Variants in ANKRD10 observed in about 807,000 individuals in gnomAD.
ANKRD10 encodes ankyrin repeat domain 10, also known as ankyrin repeat domain-containing protein 10.
ANKRD10 carries 14 observed loss-of-function variants against 27.0 expected under a neutral mutation model. The observed-to-expected ratio is 0.52, with a 90% confidence interval of 0.34 to 0.81. The LOEUF is 0.81. Among genes scored for constraint, ANKRD10 ranks in the 40% least tolerant of loss-of-function variants. The pLI, the probability that ANKRD10 is intolerant of heterozygous loss-of-function variation, is 0.01. For synonymous variants in ANKRD10, 250 were observed against 224.5 expected, an observed-to-expected ratio of 1.11 and a Z score of -1.01; for missense variants, 493 against 544.0, an observed-to-expected ratio of 0.91 and a Z score of 0.93.
intron 3 of ANKRD10, among the ~76,000 whole-genome samples, chr13:110,893,558 C>G (rs796813198): frequency 1.3e-5 from 2 of 152,212 alleles, no homozygotes; most frequent in Admixed American, 1.3e-4. Context: ...TCTAAATTTA[C>G]GCTAACTTCA....
intron 2 of ANKRD10, among the ~76,000 whole-genome samples, chr13:110,909,681 C>G (rs1298553456): frequency 6.6e-6 from 1 of 152,174 alleles, no homozygotes; most frequent in Non-Finnish European, 1.5e-5. Flanking sequence ...TAAATCATGG[C>G]TAAAAACACC....
chr13:110,914,001 C>T (rs1379475735), intron 1 of ANKRD10, among the ~76,000 whole-genome samples: 1 of 152,248 alleles, frequency 6.6e-6, no homozygotes. Context: ...GAAGAGAATT[C>T]TGCTTAATTT....
intron 4 of ANKRD10, among the ~76,000 whole-genome samples, chr13:110,890,949 A>G (rs570073412): frequency 1.3e-5 from 2 of 152,320 alleles, no homozygotes; most frequent in African/African-American, 4.8e-5. Flanking sequence ...GAAACAAGGA[A>G]TCCTCAGAAA....
At chr13:110,883,596 A>T in intron 5 of ANKRD10, 102 bp downstream of exon 5, 2 of 1,552,210 alleles carry the variant, frequency 1.3e-6, no homozygotes, top group South Asian at 1.2e-5. Context: ...GACACAGTAT[A>T]TATTTCTATT....
At chr13:110,914,569 C>G in intron 1 of ANKRD10, 156 bp downstream of exon 1, 1 of 1,091,850 alleles carries the variant, frequency 9.2e-7, no homozygotes, top group Non-Finnish European at 1.2e-6. Flanking sequence ...AGCGCTGCCG[C>G]ACAGGCGCCC....
intron 4 of ANKRD10, among the ~76,000 whole-genome samples, chr13:110,891,871 CT>C (rs10553815): frequency 0.017 from 2,029 of 121,188 alleles, 36 homozygotes; most frequent in African/African-American, 0.053. Context: ...CTTATTAAGA[CT>C]TTTTTTTTTT....
At chr13:110,910,422 T>A (rs1175564086) in intron 2 of ANKRD10, among the ~76,000 whole-genome samples, 196 bp downstream of exon 2, 1 of 152,172 alleles carries the variant, frequency 6.6e-6, no homozygotes, top group African/African-American at 2.4e-5. Context: ...GTGAAAGCAC[T>A]CTATGAACAG....
intron 3 of ANKRD10, among the ~76,000 whole-genome samples, chr13:110,896,069 C>G (rs2065219099): frequency 6.6e-6 from 1 of 152,198 alleles, no homozygotes; most frequent in Admixed American, 6.5e-5. Context: ...AATCACAGGT[C>G]AAACAACTTC....
intron 4 of ANKRD10, among the ~76,000 whole-genome samples, chr13:110,891,724 G>T (rs996267399): frequency 1.4e-4 from 21 of 152,156 alleles, no homozygotes; most frequent in African/African-American, 5.1e-4. Flanking sequence ...TTGCACGGTT[G>T]ATTTTTTTAA....
intron 4 of ANKRD10, among the ~76,000 whole-genome samples, chr13:110,892,436 A>AAAAAAAAAAAT (rs1555321016): frequency 2.8e-5 from 4 of 144,468 alleles, no homozygotes; most frequent in Non-Finnish European, 6.1e-5. Flanking sequence ...AAAAAAAAAA[A>AAAAAAAAAAAT]TGGTGGGAGA....
chr13:110,894,240 TAAAC>T (rs748777695), intron 3 of ANKRD10: 7 of 1,427,212 alleles, frequency 4.9e-6, no homozygotes, highest in African/African-American at 2.8e-5. Flanking sequence ...TGCAGGTTGA[TAAAC>T]AAACGGGAGA....
intron 4 of ANKRD10, among the ~76,000 whole-genome samples, chr13:110,885,664 C>T (rs1238535725): frequency 2.6e-5 from 4 of 152,148 alleles, no homozygotes; most frequent in African/African-American, 9.7e-5. Context: ...CTTCATGGCA[C>T]GCAGACACAG....
At chr13:110,883,648 T>C in intron 5 of ANKRD10, 50 bp downstream of exon 5, 2 of 1,608,086 alleles carry the variant, frequency 1.2e-6, no homozygotes, top group Non-Finnish European at 1.7e-6. Context: ...GTTTGGTGTC[T>C]TCAACCATTG....
At chr13:110,896,412 C>T (rs1594588914) in intron 3 of ANKRD10, among the ~76,000 whole-genome samples, 1 of 152,170 alleles carries the variant, frequency 6.6e-6, no homozygotes, top group Admixed American at 6.5e-5. Context: ...CTGTTGGTAC[C>T]TGACTCAGGA....
intron 4 of ANKRD10, among the ~76,000 whole-genome samples, chr13:110,889,857 C>G (rs1027456511): frequency 6.6e-6 from 1 of 152,144 alleles, no homozygotes; most frequent in African/African-American, 2.4e-5. Context: ...TCTAGGAAAA[C>G]AGAACGCACT....
At chr13:110,893,786 G>A (rs185593940) in intron 3 of ANKRD10, among the ~76,000 whole-genome samples, 65 of 152,334 alleles carry the variant, frequency 4.3e-4, no homozygotes, top group African/African-American at 1.5e-3. Flanking sequence ...TTAAAAAGTA[G>A]CCTATCATCA....
At chr13:110,882,015 C>G (rs1382275638) in intron 5 of ANKRD10, among the ~76,000 whole-genome samples, 4 of 152,084 alleles carry the variant, frequency 2.6e-5, no homozygotes, top group Non-Finnish European at 5.9e-5. Flanking sequence ...TCGGATCCCA[C>G]GAACATCCAA....
intron 4 of ANKRD10, among the ~76,000 whole-genome samples, chr13:110,887,344 G>C (rs544771406): frequency 2.6e-5 from 4 of 152,146 alleles, no homozygotes; most frequent in African/African-American, 9.7e-5. Flanking sequence ...CTGCATTACA[G>C]AAGTAATGCA....
intron 4 of ANKRD10, among the ~76,000 whole-genome samples, chr13:110,885,597 G>A (rs1267007358): frequency 6.6e-6 from 1 of 152,016 alleles, no homozygotes; most frequent in East Asian, 1.9e-4. Flanking sequence ...TGGGAGAGGG[G>A]GGTGGTGGAA....
Sources: allele counts gnomAD v4.1 joint callset (sites outside exome capture counted in the v4.1 genomes callset), GRCh38; gene constraint gnomAD v4.1.1; transcripts MANE v1.5; gene names NCBI Gene and HGNC (gene_info 2026-07-23, HGNC 2026-07-21).